Variants in LPL observed in about 807,000 individuals in gnomAD.
The protein encoded by LPL is phospholipase A1.
In LPL, 43 loss-of-function variants were observed where a neutral mutation model predicts 52.2. The observed-to-expected ratio is 0.82, with a 90% CI of 0.64 to 1.06. The LOEUF is 1.06. LPL is among the 50% of genes least tolerant of loss of function. The probability of loss-of-function intolerance (pLI) is 0.00; values close to 1 mark genes in which losing one functional copy is unlikely to be tolerated. For synonymous variants in LPL, 244 were observed against 215.6 expected (o/e 1.13, Z -1.15); for missense variants, 639 against 585.3 (o/e 1.09, Z -0.95).
chr8:19,954,033 A>C (rs2128838121), intron 4 of LPL, 87 bp from the exon 5 acceptor site: 1 of 889,912 alleles, frequency 1.1e-6, no homozygotes, highest in Non-Finnish European at 1.9e-6. Flanking sequence ...AATAGCTGCC[A>C]GTGCATTCAA....
Position 19,951,863 on chromosome 8 carries a change from C to T in LPL, c.344C>T (p.Ser115Leu), listed in dbSNP as rs1378181661. 1 of 1,614,022 alleles carries T rather than the reference C, an allele frequency of 6.2e-7. No individual in the cohort carries two copies. The highest frequency in any genetic ancestry group is 8.5e-7 in the Non-Finnish European group (1 of 1,180,044). The change falls in exon 3 of 10, where the codon TCA becomes TTA. Residue 115 changes from serine (S) to leucine (L), a missense_variant. Ser to Leu is a moderately radical substitution (Grantham distance 145, BLOSUM62 -2). Transcript: ENST00000650287. ...DSNVIVVDWL[S>L]RAQEHYPVSA... Reference sequence around the variant, plus strand: ...AATGTCATTGTGGTGGACTGGCTGTCACGGGCTCAGGAGCATTACCCAGTG... The same window carrying T: ...AATGTCATTGTGGTGGACTGGCTGTTACGGGCTCAGGAGCATTACCCAGTG...
intron 6 of LPL, among the ~76,000 whole-genome samples, chr8:19,957,506 T>C (rs2069996306): frequency 6.6e-6 from 1 of 152,160 alleles, no homozygotes; most frequent in Admixed American, 6.5e-5. Flanking sequence ...GACCATAATC[T>C]TGAAGACACA....
chr8:19,962,306 C>A, intron 9 of LPL, 87 bp downstream of exon 9: 1 of 968,338 alleles, frequency 1.0e-6, no homozygotes, highest in African/African-American at 1.6e-5. Context: ...CACCCCATCA[C>A]CAGCAGCTTG....
At chr8:19,962,701 G>A (rs1590149096) in intron 9 of LPL, among the ~76,000 whole-genome samples, 1 of 152,152 alleles carries the variant, frequency 6.6e-6, no homozygotes, top group African/African-American at 2.4e-5. Context: ...AGCATACTCC[G>A]GGACACACAG....
chr8:19,960,847 G>T, intron 7 of LPL, 54 bp from the exon 8 acceptor site: 1 of 1,323,514 alleles, frequency 7.6e-7, no homozygotes, highest in South Asian at 1.2e-5. Context: ...AAAAAGTGGG[G>T]GGCAGGGAGA....
In LPL at chr8:19,944,990, C is replaced by T. The variant is rs931834172; in HGVS notation, c.89-3190C>T. Among the ~76,000 whole-genome samples the T allele has an allele frequency of 1.3e-5, 2 of 151,976 alleles. No individual in the cohort carries two copies. Among genetic ancestry groups the T allele is most frequent in the Non-Finnish European group, 2.9e-5 (2 of 68,006 alleles). ...TCCTTCCCCTTCCCCTTCTTCCTTC[C>T]TTCCTTCCTTCCCTCCATCCCTCCC... On this transcript the variant is annotated intron_variant, in intron 1 of 9. Coordinates refer to ENST00000650287, the MANE Select transcript of LPL (RefSeq NM_000237.3). This position sits in a 1 kb window ranked among gnomAD's most constrained non-coding sequence, Gnocchi z 4.2.
rs2069817614 is a variant in LPL at position 19,939,991 on chromosome 8, G to A, written c.88+463G>A. 6.6e-6 allele frequency among the ~76,000 whole-genome samples: 1 copy of A among 152,200 alleles called. No homozygotes were observed. The highest frequency in any genetic ancestry group is 1.5e-5 in the Non-Finnish European group (1 of 68,032). On this transcript the variant is annotated intron_variant, in intron 1 of 9. Coordinates refer to ENST00000650287, the MANE Select transcript of LPL (RefSeq NM_000237.3). This position sits in a 1 kb window ranked among gnomAD's most constrained non-coding sequence, Gnocchi z 4.0. ...CACTGCGGCTCAGCCCCCGCCCGGG[G>A]ACTCGCGGGCCGACTGTGGCCCCTT...
Position 19,950,794 on chromosome 8 carries a change from A to C in LPL, c.250-975A>C, listed in dbSNP as rs1268408426. ...ACTCCAGCCTGGGCGAGACAGTAAG[A>C]CTCTGCCAAAAGAAAGGAAAGAAAG... On this transcript the variant is annotated intron_variant, in intron 2 of 9. Transcript: ENST00000650287. This position sits in a 1 kb window ranked among gnomAD's most constrained non-coding sequence, Gnocchi z 4.2. Among the ~76,000 whole-genome samples the C allele has an allele frequency of 6.6e-6, 1 of 151,380 alleles. No homozygotes were observed. The highest frequency in any genetic ancestry group is 6.6e-5 in the Admixed American group (1 of 15,142).
chr8:19,946,624 A>G, intron 1 of LPL: 1 of 222,354 alleles, frequency 4.5e-6, no homozygotes, highest in South Asian at 4.6e-5. Context: ...TAGTCCTCGC[A>G]GCCTCATGAA....
At position 19,944,982 on chromosome 8, in the gene LPL, C is replaced by T. The variant is rs941110255; in HGVS notation, c.89-3198C>T. ...TCCCTCCTTCCTTCCCCTTCCCCTT[C>T]TTCCTTCCTTCCTTCCTTCCCTCCA... is the stretch of plus-strand genomic sequence containing the variant. On this transcript the variant is annotated intron_variant, in intron 1 of 9. Coordinates refer to ENST00000650287, the MANE Select transcript of LPL (RefSeq NM_000237.3). The surrounding 1 kb of genome is among the most constrained non-coding windows in gnomAD (Gnocchi z 4.2). Among the ~76,000 whole-genome samples, 2 of 151,824 alleles carry T rather than the reference C, an allele frequency of 1.3e-5. No homozygotes were observed. Among genetic ancestry groups the T allele is most frequent in the Admixed American group, 6.6e-5 (1 of 15,246 alleles).
Position 19,959,367 on chromosome 8 carries a change from A to T in LPL, c.1126A>T (p.Ile376Phe), listed in dbSNP as rs747433684. The T allele has an allele frequency of 1.9e-6, 3 of 1,614,134 alleles. No homozygotes were observed. Among genetic ancestry groups the T allele is most frequent in the South Asian group, 1.1e-5 (1 of 91,076 alleles). The change falls in exon 7 of 10, where the codon ATC (isoleucine) becomes TTC (phenylalanine). Residue 376 changes from isoleucine to phenylalanine, a missense_variant. Physicochemically the swap from Ile to Phe is conservative, Grantham distance 21. Transcript: ENST00000650287. ...LYGTVAESEN[I>F]PFTLPEVSTN... ...TGGCACCGTGGCCGAGAGTGAGAACATCCCATTCACTCTGTGAGTAGCACA... is the reference window on the plus strand; with the variant it reads ...TGGCACCGTGGCCGAGAGTGAGAACTTCCCATTCACTCTGTGAGTAGCACA...
rs1317531367 is a variant in LPL at position 19,939,531 on chromosome 8, A to G, written c.88+3A>G. ...CGGAGGGGTGGCCGCCGCCGACCGT[A>G]AGTTTTGCGCGCAAACTCCCCTCCA... On this transcript the variant is annotated splice_donor_region_variant and intron_variant, in intron 1 of 9. Coordinates refer to ENST00000650287, the MANE Select transcript of LPL (RefSeq NM_000237.3). This position sits in a 1 kb window ranked among gnomAD's most constrained non-coding sequence, Gnocchi z 4.0. 1 of 1,606,366 alleles carries G rather than the reference A, an allele frequency of 6.2e-7. No homozygotes were observed. Among genetic ancestry groups the G allele is most frequent in the African/African-American group, 1.3e-5 (1 of 74,798 alleles).
At chr8:19,948,460 A>C in intron 2 of LPL, 120 bp downstream of exon 2, 1 of 1,173,572 alleles carries the variant, frequency 8.5e-7, no homozygotes, top group Non-Finnish European at 1.2e-6. Context: ...ATCTCCTTAC[A>C]CTTGAATAAA....
At chr8:19,945,993 AG>A (rs1361952513) in intron 1 of LPL, among the ~76,000 whole-genome samples, 1 of 152,162 alleles carries the variant, frequency 6.6e-6, no homozygotes, top group African/African-American at 2.4e-5. Flanking sequence ...TAACAGGAAA[AG>A]AAGTTCTTGG....
At chr8:19,952,080 C>A (rs998193647) in intron 3 of LPL, 132 bp downstream of exon 3, 10 of 997,900 alleles carry the variant, frequency 1.0e-5, no homozygotes, top group Non-Finnish European at 1.5e-5. Flanking sequence ...TCAGAATCAG[C>A]GTGGATATTA....
intron 6 of LPL, among the ~76,000 whole-genome samples, chr8:19,956,680 C>T (rs1036759896): frequency 6.6e-6 from 1 of 152,116 alleles, no homozygotes; most frequent in Non-Finnish European, 1.5e-5. Context: ...TAGGACACAG[C>T]CACACACATT....
chr8:19,959,850 T>G (rs304), intron 7 of LPL, among the ~76,000 whole-genome samples: 36,157 of 144,468 alleles, frequency 0.25, 4,598 homozygotes, highest in African/African-American at 0.3. Flanking sequence ...GTGCAGTGAT[T>G]CGATCTCAGC....
rs750970555 is a variant in LPL, at chr8:19,953,243, A to C, written c.430-67A>C. The C allele has an allele frequency of 9.7e-4, 896 of 924,970 alleles. 2 individuals carry two copies. Among genetic ancestry groups the C allele is most frequent in the Non-Finnish European group, 1.2e-3 (650 of 557,914 alleles). The allele number at this position is 924,970 out of a possible 1,614,324, so 57.3% of individuals were successfully genotyped here. A position where few individuals can be genotyped will look rare whatever the true frequency, so the allele number is the denominator to read the frequency against. ...TATTTGGAAAACAATATTTATATTC[A>C]TTTTGTTTCTTTTAGTTTTATTTTT... On this transcript the variant is annotated intron_variant, in intron 3 of 9. Transcript: ENST00000650287.
intron 2 of LPL, chr8:19,948,556 C>A (rs753010826): frequency 5.4e-6 from 3 of 559,272 alleles, no homozygotes; most frequent in Non-Finnish European, 9.4e-6. Flanking sequence ...TAACACTGTA[C>A]CTGGTTGGTG....
Sources: gnomAD v4.1 joint callset for allele counts (sites outside exome capture counted in the v4.1 genomes callset) on GRCh38, gnomAD v4.1.1 for gene constraint, Gnocchi (gnomAD v3.1) non-coding constraint, MANE v1.5 for transcripts, NCBI Gene and HGNC (gene_info 2026-07-23, HGNC 2026-07-21) for gene names.